CSMD1: variants seen among roughly 807,000 people sequenced by gnomAD.
CSMD1 encodes the protein CUB and sushi domain-containing protein 1.
CSMD1 carries 213 observed loss-of-function variants against 417.5 expected under a neutral mutation model. The observed-to-expected ratio is 0.51, with a 90% confidence interval of 0.46 to 0.57. CSMD1 has a LOEUF of 0.57. Among genes scored for constraint, CSMD1 ranks in the 20% least tolerant of loss-of-function variants. The pLI, the probability that CSMD1 is intolerant of heterozygous loss-of-function variation, is 0.00. For missense variants in CSMD1, 6,923 were observed against 4,529.7 expected, an observed-to-expected ratio of 1.53 and a Z score of -15.17; for synonymous variants, 2,862 against 1,736.8, an observed-to-expected ratio of 1.65 and a Z score of -16.11.
At chr8:3,474,646 T>C (rs983616608) in intron 11 of CSMD1, among the ~76,000 whole-genome samples, 1 of 152,210 alleles carries the variant, frequency 6.6e-6, no homozygotes, top group African/African-American at 2.4e-5. Context: ...CTTGTTTATA[T>C]CAATTAGCCT....
intron 1 of CSMD1, among the ~76,000 whole-genome samples, chr8:4,790,753 A>C (rs887448519): frequency 6.6e-6 from 1 of 152,232 alleles, no homozygotes. Context: ...TATTCAATAA[A>C]TGGTGCTAAG....
At chr8:3,784,652 G>T (rs1047955714) in intron 5 of CSMD1, among the ~76,000 whole-genome samples, 1 of 152,146 alleles carries the variant, frequency 6.6e-6, no homozygotes, top group Non-Finnish European at 1.5e-5. Flanking sequence ...AATCTGTTTG[G>T]TTTGGAAATA....
chr8:2,973,344 T>G (rs1206958728), intron 56 of CSMD1, 45 bp from the exon 57 acceptor site: 1 of 1,581,052 alleles, frequency 6.3e-7, no homozygotes, highest in African/African-American at 1.3e-5. Context: ...TGTGTTAGAC[T>G]TGTTTTAAGC....
rs1174891741 is a variant in CSMD1 at position 4,634,661 on chromosome 8, G to C, written c.302+2681C>G. Among the ~76,000 whole-genome samples the C allele has an allele frequency of 2.0e-5, 3 of 152,164 alleles. No individual in the cohort carries two copies. The East Asian group carries it at 5.8e-4, about 29-fold the overall frequency. On this transcript the variant is annotated intron_variant, in intron 2 of 69. Coordinates refer to ENST00000635120, the MANE Select transcript of CSMD1 (RefSeq NM_033225.6). ...TAAGGGTTGCTACTTAATTGCGTTT[G>C]AGAAATAAACAACTGTTTCAAGGCA...
At chr8:4,049,921 G>GA (rs373076858) in intron 3 of CSMD1, among the ~76,000 whole-genome samples, 879 of 3,562 alleles carry the variant, frequency 0.25, 14 homozygotes, top group Middle Eastern at 0.5. Context: ...GAATCCATTC[G>GA]GATACCACAC....
Position 3,394,047 on chromosome 8 carries a change from T to A in CSMD1, c.2593+2147A>T, listed in dbSNP as rs1430853894. Among the ~76,000 whole-genome samples, 3 of 121,644 alleles carry A rather than the reference T, an allele frequency of 2.5e-5. 1 individual carries two copies. The allele number at this position is 121,644 out of a possible 152,430, so 79.8% of individuals were successfully genotyped here. On this transcript the variant is annotated intron_variant, in intron 17 of 69. Coordinates refer to ENST00000635120, the MANE Select transcript of CSMD1 (RefSeq NM_033225.6). Reference sequence around the variant, plus strand: ...ATATATATATATATATATATATATATATATATATAGAAAAAAAGAAAAATG... The same window carrying A: ...ATATATATATATATATATATATATAAATATATATAGAAAAAAAGAAAAATG...
At chr8:3,593,169 G>A (rs1439466536) in intron 8 of CSMD1, among the ~76,000 whole-genome samples, 1 of 152,242 alleles carries the variant, frequency 6.6e-6, no homozygotes, top group African/African-American at 2.4e-5. Context: ...TGGAGGCTGT[G>A]GAAGCCCAGT....
At chr8:3,495,603 C>A (rs1453800840) in intron 10 of CSMD1, among the ~76,000 whole-genome samples, 2 of 152,300 alleles carry the variant, frequency 1.3e-5, no homozygotes, top group South Asian at 2.1e-4. Context: ...GAAAATGCAG[C>A]CTTGGTCTTG....
intron 5 of CSMD1, among the ~76,000 whole-genome samples, chr8:3,772,640 T>A (rs1798676717): frequency 1.3e-5 from 1 of 74,558 alleles, no homozygotes; most frequent in African/African-American, 8.6e-5. Flanking sequence ...TATATTTATA[T>A]ACATATATAC....
At chr8:4,193,807 A>C (rs893624727) in intron 3 of CSMD1, among the ~76,000 whole-genome samples, 9 of 152,084 alleles carry the variant, frequency 5.9e-5, no homozygotes, top group African/African-American at 2.2e-4. Context: ...TGCTATGGCG[A>C]GAAGAGCAGG....
chr8:3,008,625 C>T (rs753969864), intron 52 of CSMD1, among the ~76,000 whole-genome samples: 29 of 152,182 alleles, frequency 1.9e-4, no homozygotes, highest in Non-Finnish European at 4.0e-4. Context: ...AGAACTCCAG[C>T]ATGCCCCCCT....
chr8:2,939,940 TC>T (rs1296658316), intron 69 of CSMD1, among the ~76,000 whole-genome samples: 1 of 152,130 alleles, frequency 6.6e-6, no homozygotes, highest in Non-Finnish European at 1.5e-5. Context: ...GGAAATGCAA[TC>T]CCAGAGTGGA....
intron 7 of CSMD1, among the ~76,000 whole-genome samples, chr8:3,629,400 G>C (rs923234348): frequency 1.3e-5 from 2 of 151,902 alleles, no homozygotes; most frequent in African/African-American, 4.8e-5. Context: ...AGTTATTGTT[G>C]GAAATTTTAT....
At chr8:3,151,259 CTTTA>C (rs1338743018) in intron 40 of CSMD1, 134 bp downstream of exon 40, 4 of 568,472 alleles carry the variant, frequency 7.0e-6, no homozygotes, top group Non-Finnish European at 1.2e-5. Context: ...TCTGCCAAAG[CTTTA>C]TTTAAATCTG....
intron 29 of CSMD1, among the ~76,000 whole-genome samples, chr8:3,217,565 T>G (rs1322359600): frequency 1.3e-5 from 2 of 152,168 alleles, no homozygotes; most frequent in Non-Finnish European, 2.9e-5. Flanking sequence ...ATAGAATAAG[T>G]ACTGTCATGG....
chr8:3,275,345 T>C lies in CSMD1; in HGVS notation c.4153+8799A>G, dbSNP rs2117180180. Among the ~76,000 whole-genome samples, 4 of 152,288 alleles carry C rather than the reference T, an allele frequency of 2.6e-5. No individual in the cohort carries two copies. In the Middle Eastern group the frequency reaches 0.014, roughly 518 times the overall value. On this transcript the variant is annotated intron_variant, in intron 26 of 69. Transcript: ENST00000635120. Reference sequence around the variant, plus strand: ...CTTTGAGGGTAACCCAACCTTTCTCTCTGGCTGCCCTTAACATTTTTTCCT... The same window carrying C: ...CTTTGAGGGTAACCCAACCTTTCTCCCTGGCTGCCCTTAACATTTTTTCCT...
intron 1 of CSMD1, among the ~76,000 whole-genome samples, chr8:4,963,976 T>C (rs1267943747): frequency 2.6e-5 from 4 of 152,296 alleles, no homozygotes; most frequent in African/African-American, 9.6e-5. Flanking sequence ...ACATATAGAT[T>C]GTCAAATCCT....
intron 1 of CSMD1, among the ~76,000 whole-genome samples, chr8:4,820,640 C>G (rs1313007191): frequency 6.6e-6 from 1 of 152,130 alleles, no homozygotes; most frequent in Non-Finnish European, 1.5e-5. Context: ...TTGAAAAATT[C>G]AGAATGATTC....
At chr8:3,238,481 G>T (rs1009495263) in intron 26 of CSMD1, among the ~76,000 whole-genome samples, 1 of 152,000 alleles carries the variant, frequency 6.6e-6, no homozygotes, top group Non-Finnish European at 1.5e-5. Context: ...AATTTTTGGG[G>T]GTGGTATGGA....
Sources: gnomAD v4.1 joint callset for allele counts (sites outside exome capture counted in the v4.1 genomes callset) on GRCh38, gnomAD v4.1.1 for gene constraint, MANE v1.5 for transcripts, NCBI Gene and HGNC (gene_info 2026-07-23, HGNC 2026-07-21) for gene names.